Variants in ALKBH8 observed in about 807,000 individuals in gnomAD.
The protein encoded by ALKBH8 is alkB homolog 8, tRNA methyltransferase.
In ALKBH8, 36 loss-of-function variants were observed where a neutral mutation model predicts 59.8. The observed-to-expected ratio is 0.60, with a 90% CI of 0.46 to 0.79. ALKBH8 has a LOEUF of 0.79. Among genes scored for constraint, ALKBH8 ranks in the 30% least tolerant of loss-of-function variants. The pLI, the probability that ALKBH8 is intolerant of heterozygous loss-of-function variation, is 0.00. For synonymous variants in ALKBH8, 276 were observed against 273.6 expected (o/e 1.01, Z -0.09); for missense variants, 768 against 801.0 (o/e 0.96, Z 0.50).
At chr11:107,519,370 G>A (rs947897464) in intron 10 of ALKBH8, among the ~76,000 whole-genome samples, 4 of 151,042 alleles carry the variant, frequency 2.6e-5, no homozygotes, top group African/African-American at 9.7e-5. Context: ...CTCCCAAAGT[G>A]CTGGGATTAC....
At chr11:107,533,238 T>C (rs1244214554) in intron 7 of ALKBH8, among the ~76,000 whole-genome samples, 1 of 152,148 alleles carries the variant, frequency 6.6e-6, no homozygotes, top group African/African-American at 2.4e-5. Context: ...GGCTGAAAAC[T>C]ATTCTTTTAA....
In ALKBH8 at chr11:107,522,380, C is replaced by T; in HGVS notation, c.1206G>A (p.Lys402=). Residue 402 remains lysine (K), a synonymous_variant, in exon 10 of 12, where the codon AAG becomes AAA. Transcript: ENST00000428149. The stretch of plus-strand genomic sequence containing the variant: ...CCACTATTGAACCACTTGGCAAAGC[C>T]TTCAAAAACTCCACAATGTGCGGCC... ...TPWPHIVEFL[K]ALPSGSIVAD... 6.4e-7 allele frequency: 1 copy of T among 1,551,710 alleles called. No individual in the cohort carries two copies. Among genetic ancestry groups the T allele is most frequent in the Non-Finnish European group, 8.7e-7 (1 of 1,146,968 alleles).
At position 107,504,586 on chromosome 11, in the gene ALKBH8, G is replaced by C. The variant is rs975752188; in HGVS notation, c.*72C>G. 1.3e-6 allele frequency: 2 copies of C among 1,491,356 alleles called. No homozygotes were observed. The highest frequency in any genetic ancestry group is 1.2e-5 in the South Asian group (1 of 80,644). The allele number at this position is 1,491,356 out of a possible 1,614,324, so 92.4% of individuals were successfully genotyped here. A position where few individuals can be genotyped will look rare whatever the true frequency, so the allele number is the denominator to read the frequency against. On this transcript the variant is annotated 3_prime_UTR_variant, in exon 12 of 12. Transcript: ENST00000428149. ...ACAAGTTTTCTCTTTAATTAAAAGGGTAATTAATTTATTCTCTCTTTTTTT... is the reference window on the plus strand; with the variant it reads ...ACAAGTTTTCTCTTTAATTAAAAGGCTAATTAATTTATTCTCTCTTTTTTT...
At chr11:107,533,794 T>C (rs1863696142) in intron 7 of ALKBH8, among the ~76,000 whole-genome samples, 1 of 152,146 alleles carries the variant, frequency 6.6e-6, no homozygotes, top group South Asian at 2.1e-4. Flanking sequence ...AGTAGACATA[T>C]AAGTATTTAC....
chr11:107,523,988 C>G (rs746788996), intron 9 of ALKBH8, among the ~76,000 whole-genome samples: 2 of 151,994 alleles, frequency 1.3e-5, no homozygotes, highest in Non-Finnish European at 2.9e-5. Flanking sequence ...TTGAGCCATT[C>G]CACAATATAT....
At position 107,565,217 on chromosome 11, in the gene ALKBH8, G is replaced by A. The variant is rs192301889; in HGVS notation, c.-7+384C>T. The A allele has an allele frequency of 1.0e-3, 254 of 252,398 alleles. 1 individual carries two copies. The highest frequency in any genetic ancestry group is 7.2e-4 in the Admixed American group (14 of 19,414). 15.6% of individuals were successfully genotyped at this position (252,398 alleles called of 1,614,324 possible). A position where few individuals can be genotyped will look rare whatever the true frequency, so the allele number is the denominator to read the frequency against. On this transcript the variant is annotated intron_variant, in intron 1 of 11. Transcript: ENST00000428149. Reference sequence around the variant, plus strand: ...AATAAGAGCACAGGAAGACTCAGCTGCGCAAGGGATCAGATCATCAGCACT... The same window carrying A: ...AATAAGAGCACAGGAAGACTCAGCTACGCAAGGGATCAGATCATCAGCACT...
intron 2 of ALKBH8, among the ~76,000 whole-genome samples, chr11:107,557,959 C>T (rs1350986700): frequency 6.6e-6 from 1 of 152,152 alleles, no homozygotes; most frequent in Non-Finnish European, 1.5e-5. Flanking sequence ...TCAATTTCTT[C>T]ATTTATACCA....
rs1048725547 is a variant in ALKBH8, at chr11:107,525,514, G to A, written c.957C>T (p.Asp319=). The change falls in exon 9 of 12, where the codon GAC becomes GAT. Residue 319 remains aspartate, a synonymous_variant. Transcript: ENST00000428149. ...KSGIITSDVG[D]LTLSKRGLRT... The stretch of plus-strand genomic sequence containing the variant: ...GTAGTCCCCTCTTGCTTAAAGTTAA[G>A]TCTCCAACATCACTGGTGATAATTC... 8 of 1,540,738 alleles carry A rather than the reference G, an allele frequency of 5.2e-6. No homozygotes were observed. In the South Asian group the frequency reaches 7.2e-5, roughly 14 times the overall value.
chr11:107,504,817 A>G lies in ALKBH8; in HGVS notation c.1836T>C (p.Gly612=). 6.4e-7 allele frequency: 1 copy of G among 1,551,846 alleles called. No individual in the cohort carries two copies. Among genetic ancestry groups the G allele is most frequent in the Non-Finnish European group, 8.7e-7 (1 of 1,147,020 alleles). The part of the protein sequence containing the change: ...PDKGKPVEPF[G]PIGSQDPSPV... ...GACTTGGGTCCTGGGATCCTATGGGACCAAATGGCTCAACAGGTTTGCCTT... is the reference window on the plus strand; with the variant it reads ...GACTTGGGTCCTGGGATCCTATGGGGCCAAATGGCTCAACAGGTTTGCCTT... Residue 612 remains glycine (G), a synonymous_variant, in exon 12 of 12, where the codon GGT becomes GGC. Coordinates refer to ENST00000428149, the MANE Select transcript of ALKBH8 (RefSeq NM_138775.3).
chr11:107,504,887 G>A lies in ALKBH8; in HGVS notation c.1766C>T (p.Ser589Phe). 3 of 1,551,796 alleles carry A rather than the reference G, an allele frequency of 1.9e-6. No homozygotes were observed. The highest frequency in any genetic ancestry group is 2.6e-6 in the Non-Finnish European group (3 of 1,146,970). Residue 589 changes from serine to phenylalanine, a missense_variant, in exon 12 of 12, where the codon TCT becomes TTT. By Grantham distance (155) the Ser-to-Phe change is radical. Transcript: ENST00000428149. Reference sequence around the variant, plus strand: ...GTGCCAGGGAACCAGTACATCTTGAGAATAAAAAGAAGTCCTGTTAACATG... The same window carrying A: ...GTGCCAGGGAACCAGTACATCTTGAAAATAAAAAGAAGTCCTGTTAACATG... The part of the protein sequence containing the change: ...PVHVNRTSFY[S>F]QDVLVPWHLK...
At chr11:107,559,376 G>C (rs1864846739) in intron 2 of ALKBH8, among the ~76,000 whole-genome samples, 1 of 152,076 alleles carries the variant, frequency 6.6e-6, no homozygotes, top group Non-Finnish European at 1.5e-5. Context: ...TAAGAATATG[G>C]AGAAAAAAGA....
rs662349 is a variant in ALKBH8 at position 107,560,911 on chromosome 11, C to T, written c.-6-12G>A. On this transcript the variant is annotated splice_polypyrimidine_tract_variant and intron_variant, in intron 1 of 11. Transcript: ENST00000428149. ...CTGTCCATAGCAAACTGTAAAAAAACAAGACAGTAAAAAAGTCAACCTTAA... is the reference window on the plus strand; with the variant it reads ...CTGTCCATAGCAAACTGTAAAAAAATAAGACAGTAAAAAAGTCAACCTTAA... The T allele has an allele frequency of 6.3e-7, 1 of 1,579,918 alleles. No individual in the cohort carries two copies. The highest frequency in any genetic ancestry group is 8.6e-7 in the Non-Finnish European group (1 of 1,161,252).
chr11:107,556,032 C>T (rs1864692146), intron 3 of ALKBH8, among the ~76,000 whole-genome samples: 1 of 152,204 alleles, frequency 6.6e-6, no homozygotes, highest in South Asian at 2.1e-4. Flanking sequence ...GTAATCCCAG[C>T]ACTTTGGGAG....
At chr11:107,535,753 T>C (rs1363282859) in intron 7 of ALKBH8, among the ~76,000 whole-genome samples, 1 of 152,162 alleles carries the variant, frequency 6.6e-6, no homozygotes, top group Non-Finnish European at 1.5e-5. Flanking sequence ...TTGGGTAATG[T>C]GTCCACAATG....
chr11:107,529,035 G>C (rs490459), intron 8 of ALKBH8, among the ~76,000 whole-genome samples: 47,016 of 151,998 alleles, frequency 0.31, 7,569 homozygotes, highest in East Asian at 0.47. Context: ...GAAGGTACAG[G>C]ATAAGAGAAA....
intron 10 of ALKBH8, among the ~76,000 whole-genome samples, chr11:107,512,585 T>A (rs1230135140): frequency 1.3e-5 from 2 of 152,122 alleles, no homozygotes; most frequent in Non-Finnish European, 2.9e-5. Flanking sequence ...AGTGCTGGGA[T>A]TACAGGCATG....
rs1310053907 is a variant in ALKBH8 at position 107,553,905 on chromosome 11, C to A, written c.441G>T (p.Glu147Asp). 2.0e-5 allele frequency: 32 copies of A among 1,613,786 alleles called. No individual in the cohort carries two copies. The highest frequency in any genetic ancestry group is 4.4e-5 in the South Asian group (4 of 91,046). The change falls in exon 4 of 12, where the codon GAG becomes GAT. Residue 147 changes from glutamate (E) to aspartate (D), a missense_variant. Glu to Asp is a conservative substitution (Grantham distance 45, BLOSUM62 2). Transcript: ENST00000428149. ...LMVVEEIISS[E>D]EEKMLLESVD... is the part of the protein sequence containing the mutation. ...CACTTTCCAAAAGCATTTTCTCCTC[C>A]TCAGAAGAAATTATTTCTTCTACTA...
Position 107,505,137 on chromosome 11 carries a change from T to C in ALKBH8, c.1516A>G (p.Met506Val). Reference protein sequence around the residue: ...GGKALIYVWAMEQEYNKQKSK... With the variant: ...GGKALIYVWAVEQEYNKQKSK... ...TTCTGCTTATTATATTCTTGTTCCA[T>C]TGCCCAGACATAAATGAGTGCCTTC... The change falls in exon 12 of 12, where the codon ATG becomes GTG. Residue 506 changes from methionine to valine, a missense_variant. By Grantham distance (21) the Met-to-Val change is conservative. Transcript: ENST00000428149. 6.4e-7 allele frequency: 1 copy of C among 1,551,336 alleles called. No individual in the cohort carries two copies. The highest frequency in any genetic ancestry group is 8.7e-7 in the Non-Finnish European group (1 of 1,146,928).
intron 7 of ALKBH8, 37 bp from the exon 8 acceptor site, chr11:107,532,443 A>G: frequency 6.7e-7 from 1 of 1,485,078 alleles, no homozygotes; most frequent in Non-Finnish European, 9.4e-7. Context: ...ATCAATCCAA[A>G]ATTTCATATA....
Sources: gnomAD v4.1 joint callset for allele counts (sites outside exome capture counted in the v4.1 genomes callset) on GRCh38, gnomAD v4.1.1 for gene constraint, MANE v1.5 for transcripts, NCBI Gene and HGNC (gene_info 2026-07-23, HGNC 2026-07-21) for gene names.